MTUS1: variants seen among roughly 807,000 people sequenced by gnomAD.
The protein encoded by MTUS1 is microtubule-associated tumor suppressor 1.
In MTUS1, 109 loss-of-function variants were observed where a neutral mutation model predicts 120.8. That is an observed-to-expected ratio of 0.90 (90% CI 0.77 to 1.06). The LOEUF is 1.06. Among genes scored for constraint, MTUS1 ranks in the 50% least tolerant of loss-of-function variants. The pLI is 0.00. For synonymous variants in MTUS1, 737 were observed against 550.5 expected, an observed-to-expected ratio of 1.34 and a Z score of -4.74; for missense variants, 2,210 against 1,486.3, an observed-to-expected ratio of 1.49 and a Z score of -8.01.
intron 6 of MTUS1, among the ~76,000 whole-genome samples, chr8:17,711,960 T>C (rs1038826923): frequency 3.9e-5 from 6 of 152,198 alleles, no homozygotes; most frequent in Non-Finnish European, 7.3e-5. Flanking sequence ...ATCAGCTGTG[T>C]TCACTGTCTT....
intron 4 of MTUS1, among the ~76,000 whole-genome samples, chr8:17,720,919 CAAAG>C (rs1163282481): frequency 6.6e-6 from 1 of 152,144 alleles, no homozygotes; most frequent in Non-Finnish European, 1.5e-5. Flanking sequence ...AGAACACACA[CAAAG>C]AACCTGCTAA....
chr8:17,770,430 T>C (rs2049937412), intron 1 of MTUS1: 1 of 152,224 alleles, frequency 6.6e-6, no homozygotes, highest in East Asian at 1.9e-4. Context: ...CTAACTTACC[T>C]ATATTCCTCA....
chr8:17,699,418 T>G (rs1818591358), intron 6 of MTUS1, among the ~76,000 whole-genome samples: 1 of 152,168 alleles, frequency 6.6e-6, no homozygotes, highest in South Asian at 2.1e-4. Context: ...TTTCACCATG[T>G]TGGCCAGGCT....
At chr8:17,769,477 A>G (rs897864338) in intron 1 of MTUS1, among the ~76,000 whole-genome samples, 4 of 150,388 alleles carry the variant, frequency 2.7e-5, no homozygotes, top group Non-Finnish European at 5.9e-5. Context: ...CCTCCCCAGT[A>G]GCTGGGACTA....
intron 6 of MTUS1, chr8:17,697,637 G>C: frequency 8.2e-7 from 1 of 1,214,210 alleles, no homozygotes; most frequent in Non-Finnish European, 1.0e-6. Flanking sequence ...CCTCCTGCAG[G>C]TCTAGAAGCT....
chr8:17,675,941 T>G (rs951126912), intron 7 of MTUS1: 2 of 225,176 alleles, frequency 8.9e-6, no homozygotes, highest in Non-Finnish European at 1.7e-5. Context: ...AGAATAATGT[T>G]CAAGTTACCA....
intron 4 of MTUS1, among the ~76,000 whole-genome samples, chr8:17,720,202 G>C (rs746031480): frequency 9.9e-4 from 150 of 152,094 alleles, no homozygotes; most frequent in African/African-American, 3.6e-3. Context: ...AAAATTAGCC[G>C]GGCATGATGG....
Position 17,645,752 on chromosome 8 carries a change from T to C in MTUS1, c.*174A>G. 1 of 774,266 alleles carries C rather than the reference T, an allele frequency of 1.3e-6. No homozygotes were observed. Among genetic ancestry groups the C allele is most frequent in the South Asian group, 3.0e-5 (1 of 33,320 alleles). The allele number at this position is 774,266 out of a possible 1,614,324, so 48.0% of individuals were successfully genotyped here. On this transcript the variant is annotated 3_prime_UTR_variant, in exon 15 of 15. Transcript: ENST00000693296. The stretch of plus-strand genomic sequence containing the variant: ...ATCTTTTGGACGGAGGCAAAAGTCT[T>C]CCTCCAGAGTTCCAGTCTCAGAAGC...
At chr8:17,653,704 T>G in intron 10 of MTUS1, 2 of 484,368 alleles carry the variant, frequency 4.1e-6, no homozygotes, top group South Asian at 2.9e-5. Flanking sequence ...ATTTTATGAC[T>G]GAGAGCCCTG....
chr8:17,773,464 T>G (rs2050165044), intron 1 of MTUS1, among the ~76,000 whole-genome samples: 1 of 152,188 alleles, frequency 6.6e-6, no homozygotes, highest in Non-Finnish European at 1.5e-5. Context: ...TTACTATGTT[T>G]TCTGTTGCTA....
At chr8:17,772,268 CAAAAT>C (rs1173539434) in intron 1 of MTUS1, among the ~76,000 whole-genome samples, 2 of 152,066 alleles carry the variant, frequency 1.3e-5, no homozygotes, top group East Asian at 3.9e-4. Context: ...ATGTACAAAA[CAAAAT>C]AACTGAAACA....
intron 6 of MTUS1, among the ~76,000 whole-genome samples, chr8:17,692,819 A>G (rs1201738527): frequency 6.6e-6 from 1 of 152,166 alleles, no homozygotes; most frequent in East Asian, 1.9e-4. Flanking sequence ...TTACCTATAT[A>G]ACAAACCTTT....
intron 1 of MTUS1, among the ~76,000 whole-genome samples, chr8:17,778,948 T>C (rs890101581): frequency 2.0e-5 from 3 of 152,230 alleles, no homozygotes; most frequent in African/African-American, 7.2e-5. Context: ...GCCCATCTAA[T>C]GCCAAATGCT....
intron 7 of MTUS1, among the ~76,000 whole-genome samples, chr8:17,679,608 T>C (rs1429226813): frequency 1.3e-5 from 2 of 152,082 alleles, no homozygotes; most frequent in African/African-American, 2.4e-5. Flanking sequence ...TTCAAGCGAT[T>C]CGTATGCCTC....
At chr8:17,736,069 T>C (rs532303741) in intron 3 of MTUS1, among the ~76,000 whole-genome samples, 1 of 152,308 alleles carries the variant, frequency 6.6e-6, no homozygotes, top group Admixed American at 6.5e-5. Context: ...TCTCAGAATC[T>C]AGTACACTGC....
chr8:17,775,403 G>A (rs191355220), intron 1 of MTUS1, among the ~76,000 whole-genome samples: 75 of 152,110 alleles, frequency 4.9e-4, no homozygotes, highest in African/African-American at 1.8e-3. Context: ...GAAACTTCAG[G>A]CTGCATCATG....
At chr8:17,722,666 C>T in intron 4 of MTUS1, 1 of 536,792 alleles carries the variant, frequency 1.9e-6, no homozygotes. Context: ...AAAATGCATT[C>T]TCAATTCCCT....
At chr8:17,708,383 G>A (rs566425489) in intron 6 of MTUS1, among the ~76,000 whole-genome samples, 24 of 152,284 alleles carry the variant, frequency 1.6e-4, no homozygotes, top group African/African-American at 5.8e-4. Flanking sequence ...AATGCAAATT[G>A]AAACAACAAT....
At chr8:17,762,055 G>A (rs111503328) in intron 1 of MTUS1, among the ~76,000 whole-genome samples, 31 of 152,110 alleles carry the variant, frequency 2.0e-4, no homozygotes, top group African/African-American at 2.9e-4. Context: ...CGAGGTGGGC[G>A]GATCACTTGA....
Sources: allele counts gnomAD v4.1 joint callset (sites outside exome capture counted in the v4.1 genomes callset), GRCh38; gene constraint gnomAD v4.1.1; transcripts MANE v1.5; gene names NCBI Gene and HGNC (gene_info 2026-07-23, HGNC 2026-07-21).